The following FAM171B variants were observed in gnomAD, a reference collection of about 807,000 sequenced individuals.
FAM171B encodes the protein protein FAM171B.
Under a neutral mutation model 75.6 loss-of-function variants are expected in FAM171B, and 19 were observed. The observed-to-expected ratio is 0.25, with a 90% CI of 0.18 to 0.37. The LOEUF (loss-of-function observed/expected upper bound fraction) is 0.37, where lower values mean the gene tolerates loss of function less well. FAM171B is among the 10% of genes least tolerant of loss of function. The pLI is 1.00. For synonymous variants in FAM171B, 367 were observed against 361.7 expected, an observed-to-expected ratio of 1.01 and a Z score of -0.17; for missense variants, 848 against 982.4, an observed-to-expected ratio of 0.86 and a Z score of 1.83.
intron 1 of FAM171B, among the ~76,000 whole-genome samples, chr2:186,736,538 CTGTGTGTGTG>C (rs10660120): frequency 1.6e-5 from 2 of 122,944 alleles, no homozygotes; most frequent in African/African-American, 3.0e-5. Context: ...ATGTTTGTGG[CTGTGTGTGTG>C]TGTGTGTGTG....
At chr2:186,704,477 T>G (rs1352776743) in intron 1 of FAM171B, among the ~76,000 whole-genome samples, 1 of 152,146 alleles carries the variant, frequency 6.6e-6, no homozygotes, top group African/African-American at 2.4e-5. Context: ...TGGCAGTGTT[T>G]GAAAAGTGTA....
rs756209480 is a variant in FAM171B at position 186,694,317 on chromosome 2, G to GCAA, written c.146_147insACA (p.Gln56dup). ...GCCTCATCCAACAGCAGCAGCAGCA[G>GCAA]CAGCAACAACAACAACAACAGCAAA... On this transcript the variant is annotated inframe_insertion, in exon 1 of 8. Coordinates refer to ENST00000304698, the MANE Select transcript of FAM171B (RefSeq NM_177454.4). 38 of 1,593,616 alleles carry GCAA rather than the reference G, an allele frequency of 2.4e-5. No homozygotes were observed. Among genetic ancestry groups the GCAA allele is most frequent in the South Asian group, 7.8e-5 (7 of 90,088 alleles).
At chr2:186,734,984 G>C (rs1415110232) in intron 1 of FAM171B, among the ~76,000 whole-genome samples, 1 of 152,216 alleles carries the variant, frequency 6.6e-6, no homozygotes, top group Non-Finnish European at 1.5e-5. Flanking sequence ...AGCCTGTGAG[G>C]GAAGGGAGCT....
intron 1 of FAM171B, among the ~76,000 whole-genome samples, chr2:186,714,957 A>C (rs1319442990): frequency 6.6e-6 from 1 of 152,240 alleles, no homozygotes; most frequent in Non-Finnish European, 1.5e-5. Context: ...AGGCTTTGTC[A>C]GAAGAGCAAG....
chr2:186,756,956 G>A (rs1406981889), intron 6 of FAM171B, among the ~76,000 whole-genome samples: 2 of 152,154 alleles, frequency 1.3e-5, no homozygotes, highest in African/African-American at 4.8e-5. Context: ...GGCAAGGTCT[G>A]TAAAGGTCCT....
chr2:186,696,671 CA>C, intron 1 of FAM171B, among the ~76,000 whole-genome samples: 1 of 151,586 alleles, frequency 6.6e-6, no homozygotes, highest in Non-Finnish European at 1.5e-5. Context: ...CAAGTGGACC[CA>C]AGTGTTTGGC....
chr2:186,696,081 T>G (rs1380551288), intron 1 of FAM171B, among the ~76,000 whole-genome samples: 1 of 152,200 alleles, frequency 6.6e-6, no homozygotes, highest in African/African-American at 2.4e-5. Context: ...AAATGTTTGC[T>G]TTCTGATATT....
intron 3 of FAM171B, among the ~76,000 whole-genome samples, chr2:186,744,774 G>A (rs1429105323): frequency 6.6e-6 from 1 of 150,778 alleles, no homozygotes; most frequent in Non-Finnish European, 1.5e-5. Flanking sequence ...TGATCCACTC[G>A]CCTCAGCCTC....
intron 1 of FAM171B, among the ~76,000 whole-genome samples, chr2:186,708,002 C>G (rs1689756793): frequency 6.6e-6 from 1 of 151,842 alleles, no homozygotes; most frequent in Non-Finnish European, 1.5e-5. Flanking sequence ...GTTTGGAAGC[C>G]AGATCAGGCC....
chr2:186,694,951 T>G (rs1296438166), intron 1 of FAM171B, among the ~76,000 whole-genome samples: 1 of 152,216 alleles, frequency 6.6e-6, no homozygotes, highest in African/African-American at 2.4e-5. Context: ...TATATTTTAT[T>G]ATTTATTTCT....
intron 1 of FAM171B, among the ~76,000 whole-genome samples, chr2:186,707,515 C>T (rs969807196): frequency 3.3e-5 from 5 of 152,096 alleles, no homozygotes; most frequent in Non-Finnish European, 7.4e-5. Flanking sequence ...CCCAACCCTG[C>T]CCTTCTATGC....
At chr2:186,759,729 G>T (rs181205927) in intron 6 of FAM171B, among the ~76,000 whole-genome samples, 1 of 151,762 alleles carries the variant, frequency 6.6e-6, no homozygotes, top group African/African-American at 2.4e-5. Context: ...ATATATTCTG[G>T]TTATTTTCTC....
chr2:186,751,070 A>C, intron 4 of FAM171B, 64 bp from the exon 5 acceptor site: 1 of 1,286,424 alleles, frequency 7.8e-7, no homozygotes, highest in Non-Finnish European at 1.1e-6. Context: ...TTTTAGACCT[A>C]TAATAATTAG....
At position 186,747,127 on chromosome 2, in the gene FAM171B, G is replaced by A. The variant is rs375501467; in HGVS notation, c.601G>A (p.Ala201Thr). Residue 201 changes from alanine to threonine, a missense_variant, in exon 4 of 8, where the codon GCC becomes ACC. Around this residue, in one of 3 missense-constraint regions of FAM171B, gnomAD observed 665 missense variants for 729.0 expected, o/e 0.91. Coordinates refer to ENST00000304698, the MANE Select transcript of FAM171B (RefSeq NM_177454.4). ...TCAACCAAGTGTTCAGTTTTCAAAA[G>A]CCTTAATTAAACTTCCTGACAACCA... is the stretch of plus-strand genomic sequence containing the variant. ...KSQPSVQFSK[A>T]LIKLPDNHHI... is the part of the protein sequence containing the mutation. 1 of 1,601,994 alleles carries A rather than the reference G, an allele frequency of 6.2e-7. No homozygotes were observed. Among genetic ancestry groups the A allele is most frequent in the South Asian group, 1.1e-5 (1 of 88,270 alleles).
chr2:186,698,962 T>A (rs150744123), intron 1 of FAM171B, among the ~76,000 whole-genome samples: 73 of 152,318 alleles, frequency 4.8e-4, no homozygotes, highest in Non-Finnish European at 2.4e-4. Flanking sequence ...GAGGATCTGA[T>A]CCTTGTTAAT....
intron 1 of FAM171B, among the ~76,000 whole-genome samples, chr2:186,738,677 G>C (rs1417167779): frequency 6.6e-6 from 1 of 152,152 alleles, no homozygotes; most frequent in African/African-American, 2.4e-5. Flanking sequence ...ATTTTTGACT[G>C]TCTAGGAATT....
chr2:186,730,570 T>C (rs374222629), intron 1 of FAM171B, among the ~76,000 whole-genome samples: 4 of 152,316 alleles, frequency 2.6e-5, no homozygotes, highest in South Asian at 4.1e-4. Context: ...TAGATATAGG[T>C]GATCTCATCA....
chr2:186,709,505 A>C (rs1689781069), intron 1 of FAM171B, among the ~76,000 whole-genome samples: 1 of 152,166 alleles, frequency 6.6e-6, no homozygotes. Flanking sequence ...ATCTACTATG[A>C]GCTAGCAATT....
intron 6 of FAM171B, among the ~76,000 whole-genome samples, chr2:186,760,811 A>G (rs972100818): frequency 1.3e-5 from 2 of 151,954 alleles, no homozygotes; most frequent in South Asian, 4.2e-4. Context: ...TCTAGACCCC[A>G]GGTTGAAGGA....
Sources: gnomAD v4.1 joint callset for allele counts (sites outside exome capture counted in the v4.1 genomes callset) on GRCh38, gnomAD v4.1.1 for gene constraint, gnomAD v4.1.1 regional missense constraint, MANE v1.5 for transcripts, NCBI Gene and HGNC (gene_info 2026-07-23, HGNC 2026-07-21) for gene names.